ARL13B: variants seen among roughly 807,000 people sequenced by gnomAD.
ARL13B encodes ADP-ribosylation factor-like protein 13B.
Under a neutral mutation model 56.1 loss-of-function variants are expected in ARL13B, and 36 were observed. The ratio of observed to expected loss-of-function variants is 0.64; its 90% confidence interval spans 0.49 to 0.85. The LOEUF is 0.85. ARL13B is among the 40% of genes least tolerant of loss of function. The pLI is 0.00. For synonymous variants in ARL13B, 178 were observed against 171.1 expected, an observed-to-expected ratio of 1.04 and a Z score of -0.32; for missense variants, 519 against 507.1, an observed-to-expected ratio of 1.02 and a Z score of -0.23.
chr3:94,009,160 C>G (rs2076182665), intron 3 of ARL13B, among the ~76,000 whole-genome samples: 1 of 151,950 alleles, frequency 6.6e-6, no homozygotes, highest in Non-Finnish European at 1.5e-5. Flanking sequence ...AGTGGTCTCC[C>G]AAGACCTTCT....
intron 3 of ARL13B, among the ~76,000 whole-genome samples, chr3:94,010,455 T>G (rs1408570387): frequency 6.6e-6 from 1 of 152,120 alleles, no homozygotes; most frequent in Non-Finnish European, 1.5e-5. Context: ...TTAGTAGTTA[T>G]GAATATGAGC....
At chr3:93,997,943 G>A (rs576559193) in intron 2 of ARL13B, among the ~76,000 whole-genome samples, 29 of 152,102 alleles carry the variant, frequency 1.9e-4, no homozygotes, top group Middle Eastern at 6.8e-3. Flanking sequence ...CTGGGATTGC[G>A]CCACTGCACT....
intron 1 of ARL13B, among the ~76,000 whole-genome samples, chr3:93,982,763 A>G (rs1408179197): frequency 1.3e-5 from 2 of 152,204 alleles, no homozygotes; most frequent in Admixed American, 6.5e-5. Context: ...CCCTTGTTCA[A>G]TGCCTGATTT....
intron 9 of ARL13B, 25 bp downstream of exon 9, chr3:94,050,917 G>C (rs376498132): frequency 1.0e-5 from 16 of 1,601,884 alleles, no homozygotes; most frequent in Non-Finnish European, 1.4e-5. Flanking sequence ...TTGGTTTTCA[G>C]ATATCATCTG....
intron 7 of ARL13B, among the ~76,000 whole-genome samples, chr3:94,047,097 A>C (rs1339366494): frequency 6.6e-6 from 1 of 152,018 alleles, no homozygotes; most frequent in Non-Finnish European, 1.5e-5. Flanking sequence ...AAATAACTCT[A>C]CTCCTAGTAG....
chr3:94,014,436 A>G (rs1394552387), intron 3 of ARL13B: 21 of 1,592,180 alleles, frequency 1.3e-5, no homozygotes, highest in Non-Finnish European at 1.7e-5. Context: ...CTCTGCAAGG[A>G]TTTCTTTTTT....
At chr3:94,002,774 T>G (rs2076074813) in intron 2 of ARL13B, among the ~76,000 whole-genome samples, 1 of 152,220 alleles carries the variant, frequency 6.6e-6, no homozygotes, top group African/African-American at 2.4e-5. Flanking sequence ...CCAGATATTT[T>G]CAATAATTCC....
At chr3:94,014,900 C>T (rs757872139) in intron 3 of ARL13B, 1 of 1,613,402 alleles carries the variant, frequency 6.2e-7, no homozygotes, top group Non-Finnish European at 8.5e-7. Flanking sequence ...GAAGATGGAC[C>T]ATTTTCAACC....
chr3:93,993,620 T>A (rs2075915203), intron 1 of ARL13B, among the ~76,000 whole-genome samples: 1 of 152,218 alleles, frequency 6.6e-6, no homozygotes, highest in Non-Finnish European at 1.5e-5. Context: ...TTATCCATCT[T>A]CTCTGGATAG....
chr3:94,047,386 C>T (rs1282840514), intron 7 of ARL13B, among the ~76,000 whole-genome samples: 2 of 152,020 alleles, frequency 1.3e-5, no homozygotes, highest in Non-Finnish European at 2.9e-5. Context: ...TTACAGTGGT[C>T]GCTAAGTTTT....
chr3:93,994,375 A>G (rs1265237495), intron 1 of ARL13B, among the ~76,000 whole-genome samples: 2 of 152,010 alleles, frequency 1.3e-5, no homozygotes, highest in East Asian at 3.9e-4. Context: ...ACCACCCTAT[A>G]TAAAACTGCC....
chr3:94,033,570 A>G (rs1469113316), intron 3 of ARL13B, among the ~76,000 whole-genome samples: 8 of 152,202 alleles, frequency 5.3e-5, no homozygotes, highest in African/African-American at 1.9e-4. Flanking sequence ...CAGAAGGAAT[A>G]TGGAACTATA....
intron 7 of ARL13B, chr3:94,047,792 A>T (rs952467772): frequency 1.3e-5 from 2 of 152,108 alleles, no homozygotes; most frequent in Non-Finnish European, 2.9e-5. Context: ...TTGTGGATCT[A>T]TTCTTCCAGT....
intron 3 of ARL13B, among the ~76,000 whole-genome samples, chr3:94,007,615 G>A (rs927889913): frequency 1.3e-5 from 2 of 152,142 alleles, no homozygotes; most frequent in Non-Finnish European, 2.9e-5. Flanking sequence ...ATCAGATCTC[G>A]TGTGACTTAT....
At chr3:93,992,591 A>G (rs1344216192) in intron 1 of ARL13B, among the ~76,000 whole-genome samples, 1 of 152,226 alleles carries the variant, frequency 6.6e-6, no homozygotes, top group Non-Finnish European at 1.5e-5. Flanking sequence ...TATGGAATAA[A>G]TGATGTAAAC....
intron 2 of ARL13B, among the ~76,000 whole-genome samples, chr3:93,997,080 A>G (rs1234856529): frequency 1.3e-5 from 2 of 151,964 alleles, no homozygotes; most frequent in Non-Finnish European, 2.9e-5. Flanking sequence ...ACCCCCCCAG[A>G]TGGGACCATC....
intron 3 of ARL13B, among the ~76,000 whole-genome samples, chr3:94,024,417 T>C (rs2076513812): frequency 6.6e-6 from 1 of 152,238 alleles, no homozygotes; most frequent in East Asian, 1.9e-4. Flanking sequence ...AATTAAGTCC[T>C]ATATTTATAC....
chr3:94,036,515 C>T (rs2076770424), intron 4 of ARL13B, 37 bp from the exon 5 acceptor site: 3 of 1,595,146 alleles, frequency 1.9e-6, no homozygotes, highest in Admixed American at 3.3e-5. Context: ...TGTGTGGAGA[C>T]CTTTTAATCT....
chr3:94,029,113 A>G (rs2076615776), intron 3 of ARL13B, among the ~76,000 whole-genome samples: 1 of 151,156 alleles, frequency 6.6e-6, no homozygotes, highest in Non-Finnish European at 1.5e-5. Flanking sequence ...GTTATCCAGC[A>G]ATATATGTTA....
Sources: allele counts gnomAD v4.1 joint callset (sites outside exome capture counted in the v4.1 genomes callset), GRCh38; gene constraint gnomAD v4.1.1; transcripts MANE v1.5; gene names NCBI Gene and HGNC (gene_info 2026-07-23, HGNC 2026-07-21).